Variants in PLD2 observed in about 807,000 individuals in gnomAD.
PLD2 encodes choline phosphatase 2.
A neutral mutation model predicts 119.8 loss-of-function variants in PLD2; 101 were observed. The ratio of observed to expected loss-of-function variants is 0.84; its 90% CI spans 0.72 to 0.99. PLD2 has a LOEUF of 0.99. PLD2 is among the 50% of genes least tolerant of loss of function. The pLI is 0.00. For synonymous variants in PLD2, 494 were observed against 482.8 expected (o/e 1.02, Z -0.30); for missense variants, 1,164 against 1,226.8 (o/e 0.95, Z 0.76).
chr17:4,815,816 T>C lies in PLD2; in HGVS notation c.1337T>C (p.Leu446Pro), dbSNP rs1247780174. The change falls in exon 14 of 25, where the codon CTG becomes CCG. Residue 446 changes from leucine to proline, a missense_variant. Physicochemically the swap from Leu to Pro is moderately conservative, Grantham distance 98. Transcript: ENST00000263088. Reference sequence around the variant, plus strand: ...TTGTGGGCCCATCATGAGAAGCTCCTGGTGGTGGACCAAGTGGTAGCATTC... The same window carrying C: ...TTGTGGGCCCATCATGAGAAGCTCCCGGTGGTGGACCAAGTGGTAGCATTC... ...VTLWAHHEKLLVVDQVVAFLG... is the reference protein window; with the variant it reads ...VTLWAHHEKLPVVDQVVAFLG... The C allele has an allele frequency of 6.2e-7, 1 of 1,614,098 alleles. No homozygotes were observed. The highest frequency in any genetic ancestry group is 8.5e-7 in the Non-Finnish European group (1 of 1,179,976).
At chr17:4,816,012 AC>A in intron 14 of PLD2, 78 bp downstream of exon 14, 1 of 1,084,304 alleles carries the variant, frequency 9.2e-7, no homozygotes, top group East Asian at 2.4e-5. Context: ...CTCCAGCCTT[AC>A]CCCCTCAGTC....
intron 13 of PLD2, 22 bp downstream of exon 13, chr17:4,815,608 C>T (rs769847954): frequency 2.5e-5 from 40 of 1,592,698 alleles, no homozygotes; most frequent in Non-Finnish European, 3.4e-5. Context: ...CCTCAGAGAC[C>T]CTCCCACATG....
chr17:4,816,616 ACAGCCTCCCACCC>A lies in PLD2; in HGVS notation c.1456-2_1466del. The stretch of plus-strand genomic sequence containing the variant: ...CCCCTGGCTTGGGTGTGTTCCCCCT[ACAGCCTCCCACCC>A]CGCGCCCAGACTCACCAGCCACCCC... On this transcript the variant is annotated splice_acceptor_variant and splice_polypyrimidine_tract_variant and coding_sequence_variant and intron_variant, in exon 15 of 25. Transcript: ENST00000263088. LOFTEE classifies it high-confidence loss of function. 6.2e-7 allele frequency: 1 copy of A among 1,613,188 alleles called. No individual in the cohort carries two copies. The highest frequency in any genetic ancestry group is 8.5e-7 in the Non-Finnish European group (1 of 1,179,578).
chr17:4,811,538 G>A (rs200397853), intron 10 of PLD2, among the ~76,000 whole-genome samples: 4 of 151,972 alleles, frequency 2.6e-5, no homozygotes, highest in Admixed American at 6.6e-5. Context: ...TCGGCCTCCC[G>A]AAGTGCTGGG....
At chr17:4,810,165 A>AG (rs1386062577) in intron 9 of PLD2, 136 bp downstream of exon 9, 6 of 878,410 alleles carry the variant, frequency 6.8e-6, no homozygotes, top group Non-Finnish European at 8.7e-6. Flanking sequence ...GTTTTGAACC[A>AG]GGAACTGGTC....
intron 12 of PLD2, 45 bp downstream of exon 12, chr17:4,814,756 G>T (rs1185755970): frequency 6.4e-7 from 1 of 1,552,270 alleles, no homozygotes; most frequent in Non-Finnish European, 8.9e-7. Context: ...TTGCCTGTGG[G>T]TGGAGGTTGA....
chr17:4,821,931 G>GA (rs1356228188), intron 24 of PLD2, 24 bp downstream of exon 24: 8 of 1,495,064 alleles, frequency 5.4e-6, no homozygotes, highest in Non-Finnish European at 7.5e-6. Context: ...AGGGGTGGGG[G>GA]AGAGTGGCCT....
intron 23 of PLD2, among the ~76,000 whole-genome samples, chr17:4,820,571 ATCT>A (rs1483359854): frequency 7.7e-6 from 1 of 130,234 alleles, no homozygotes; most frequent in African/African-American, 3.0e-5. Context: ...AAAAAAAAAA[ATCT>A]TTTTTTTTTT....
At chr17:4,820,690 C>T (rs1394322572) in intron 23 of PLD2, among the ~76,000 whole-genome samples, 2 of 149,524 alleles carry the variant, frequency 1.3e-5, no homozygotes. Flanking sequence ...CATTCTCCTG[C>T]CTCAGCCTCC....
chr17:4,810,743 A>T, intron 9 of PLD2, 59 bp from the exon 10 acceptor site: 1 of 1,549,744 alleles, frequency 6.5e-7, no homozygotes, highest in Non-Finnish European at 8.8e-7. Context: ...GGAGGTCTCT[A>T]GGCAAGATCA....
At chr17:4,817,643 C>G (rs1300576487) in intron 17 of PLD2, among the ~76,000 whole-genome samples, 1 of 149,716 alleles carries the variant, frequency 6.7e-6, no homozygotes, top group Non-Finnish European at 1.5e-5. Context: ...GCCTGGGCAA[C>G]AGAGTGAGAC....
rs1194270964 is a variant in PLD2 at position 4,819,867 on chromosome 17, G to C, written c.2462+285G>C. 3.9e-5 allele frequency among the ~76,000 whole-genome samples: 6 copies of C among 152,128 alleles called. No individual in the cohort carries two copies. The highest frequency in any genetic ancestry group is 3.9e-4 in the Admixed American group (6 of 15,276). ...CAAAAAATCAGCTGGGTGTGGTGGCGGGCGCCTGTGATCCCAGCTACTAGG... is the reference window on the plus strand; with the variant it reads ...CAAAAAATCAGCTGGGTGTGGTGGCCGGCGCCTGTGATCCCAGCTACTAGG... On this transcript the variant is annotated intron_variant, in intron 23 of 24. Transcript: ENST00000263088. This position sits in a 1 kb window ranked among gnomAD's most constrained non-coding sequence, Gnocchi z 4.2.
chr17:4,810,093 A>C, intron 9 of PLD2, 64 bp downstream of exon 9: 1 of 1,539,532 alleles, frequency 6.5e-7, no homozygotes, highest in South Asian at 1.1e-5. Context: ...CCTTGCTGGG[A>C]GTTGAGAAAG....
At position 4,812,684 on chromosome 17, in the gene PLD2, A is replaced by G. The variant is rs574869610; in HGVS notation, c.1010+1733A>G. ...AGGGTATGGGGAAATGATTGCCTAT[A>G]GTGGGGCACACGAGGGAACATTCCA... is the stretch of plus-strand genomic sequence containing the variant. On this transcript the variant is annotated intron_variant, in intron 10 of 24. Transcript: ENST00000263088. 1.8e-4 allele frequency among the ~76,000 whole-genome samples: 28 copies of G among 152,300 alleles called. No homozygotes were observed. The South Asian group carries it at 4.8e-3, about 26-fold the overall frequency.
In PLD2 at chr17:4,816,610, C is replaced by G; in HGVS notation, c.1456-10C>G. On this transcript the variant is annotated splice_polypyrimidine_tract_variant and intron_variant, in intron 14 of 24. Transcript: ENST00000263088. The stretch of plus-strand genomic sequence containing the variant: ...CCCTTGCCCCTGGCTTGGGTGTGTT[C>G]CCCCTACAGCCTCCCACCCCGCGCC... The G allele has an allele frequency of 6.2e-7, 1 of 1,613,186 alleles. No homozygotes were observed. Among genetic ancestry groups the G allele is most frequent in the Non-Finnish European group, 8.5e-7 (1 of 1,179,264 alleles).
At chr17:4,815,408 G>C in intron 12 of PLD2, 68 bp from the exon 13 acceptor site, 1 of 937,602 alleles carries the variant, frequency 1.1e-6, no homozygotes, top group Non-Finnish European at 1.8e-6. Flanking sequence ...CGTGGAAAAG[G>C]TTTGGGAGTG....
rs1906402243 is a variant in PLD2, at chr17:4,810,956, G to A, written c.1010+5G>A. The A allele has an allele frequency of 6.2e-7, 1 of 1,607,114 alleles. No individual in the cohort carries two copies. Among genetic ancestry groups the A allele is most frequent in the Admixed American group, 1.7e-5 (1 of 59,516 alleles). On this transcript the variant is annotated splice_donor_5th_base_variant and intron_variant, in intron 10 of 24. Coordinates refer to ENST00000263088, the MANE Select transcript of PLD2 (RefSeq NM_002663.5). ...GCCTGGGACCTTGGCCCGGTGGTGAGACACTGACATCCCTTCTGAGCTTGT... is the reference window on the plus strand; with the variant it reads ...GCCTGGGACCTTGGCCCGGTGGTGAAACACTGACATCCCTTCTGAGCTTGT...
intron 17 of PLD2, 193 bp downstream of exon 17, chr17:4,817,452 G>T: frequency 1.7e-6 from 1 of 586,276 alleles, no homozygotes; most frequent in Non-Finnish European, 3.1e-6. Context: ...CACAAGGTCC[G>T]GAGATCGAGA....
rs548280693 is a variant in PLD2, at chr17:4,814,409, TC to T, written c.1011-3del. 355 of 1,606,286 alleles carry T rather than the reference TC, an allele frequency of 2.2e-4. 1 individual carries two copies. Among genetic ancestry groups the T allele is most frequent in the Admixed American group, 7.3e-4 (43 of 58,650 alleles). On this transcript the variant is annotated splice_region_variant and splice_polypyrimidine_tract_variant and intron_variant, in intron 10 of 24. Coordinates refer to ENST00000263088, the MANE Select transcript of PLD2 (RefSeq NM_002663.5). ...CTCCCCTGACCTCCTTGGCTTGGCC[TC>T]CCCCCAGGTTTGTGAATGGGGCAGG...
Sources: allele counts gnomAD v4.1 joint callset (sites outside exome capture counted in the v4.1 genomes callset), GRCh38; gene constraint gnomAD v4.1.1; non-coding constraint Gnocchi (gnomAD v3.1); transcripts MANE v1.5; gene names NCBI Gene and HGNC (gene_info 2026-07-23, HGNC 2026-07-21).